Variants in WDR27 observed in about 807,000 individuals in gnomAD.
The protein encoded by WDR27 is WD repeat-containing protein 27.
In WDR27, 100 loss-of-function variants were observed where a neutral mutation model predicts 114.4. That is an observed-to-expected ratio of 0.87 (90% CI 0.74 to 1.03). The LOEUF is 1.03. Among genes scored for constraint, WDR27 ranks in the 50% least tolerant of loss-of-function variants. The probability of loss-of-function intolerance (pLI) is 0.00; values close to 1 mark genes in which losing one functional copy is unlikely to be tolerated. For synonymous variants in WDR27, 449 were observed against 423.1 expected, an observed-to-expected ratio of 1.06 and a Z score of -0.75; for missense variants, 1,129 against 1,092.9, an observed-to-expected ratio of 1.03 and a Z score of -0.47.
intron 25 of WDR27, among the ~76,000 whole-genome samples, chr6:169,497,406 C>CA (rs2115462335): frequency 6.6e-6 from 1 of 152,132 alleles, no homozygotes; most frequent in East Asian, 1.9e-4. Context: ...AAAAAATAGG[C>CA]AAGTTGGACT....
intron 7 of WDR27, chr6:169,665,021 C>G (rs12528943): frequency 1.4e-3 from 1 of 706 alleles, no homozygotes. Context: ...CTCTCCGGGG[C>G]GCGGGCAGCG....
At chr6:169,627,367 T>C (rs1206811461) in intron 21 of WDR27, among the ~76,000 whole-genome samples, 1 of 152,178 alleles carries the variant, frequency 6.6e-6, no homozygotes, top group East Asian at 1.9e-4. Context: ...AAAAAATCTA[T>C]GATGATGCTT....
chr6:169,626,640 G>A (rs185947292), intron 21 of WDR27, among the ~76,000 whole-genome samples: 328 of 152,294 alleles, frequency 2.2e-3, no homozygotes, highest in African/African-American at 7.4e-3. Context: ...ATGACATCAC[G>A]CCGCTTTCCA....
chr6:169,604,995 T>C (rs2128174048), intron 22 of WDR27, among the ~76,000 whole-genome samples: 1 of 148,750 alleles, frequency 6.7e-6, no homozygotes, highest in East Asian at 2.1e-4. Flanking sequence ...AAGGTCATAC[T>C]GAATGGGGGA....
At chr6:169,588,507 G>GA (rs1164937600) in intron 23 of WDR27, among the ~76,000 whole-genome samples, 7 of 151,878 alleles carry the variant, frequency 4.6e-5, no homozygotes, top group African/African-American at 1.7e-4. Context: ...TATATTTGTT[G>GA]AAAAAAAATC....
chr6:169,582,985 A>G, intron 23 of WDR27, 51 bp from the exon 24 acceptor site: 2 of 1,545,298 alleles, frequency 1.3e-6, no homozygotes, highest in Non-Finnish European at 1.8e-6. Context: ...GTCAGGAATC[A>G]CCTGTAAGCT....
chr6:169,669,913 A>G lies in WDR27; in HGVS notation c.456+656T>C, dbSNP rs556185697. ...CGAACATCCTTCCTCGCCTACGTTT[A>G]TTAAGTGGCTATCAAAAGAAAAGCT... On this transcript the variant is annotated intron_variant, in intron 4 of 25. Transcript: ENST00000448612. 2.0e-5 allele frequency: 3 copies of G among 152,202 alleles called. No individual in the cohort carries two copies. The South Asian group carries it at 6.2e-4, about 32-fold the overall frequency. The allele number at this position is 152,202 out of a possible 1,614,324, so 9.4% of individuals were successfully genotyped here. A position where few individuals can be genotyped will look rare whatever the true frequency, so the allele number is the denominator to read the frequency against.
chr6:169,560,621 T>A (rs941540942), intron 25 of WDR27, among the ~76,000 whole-genome samples: 1 of 152,224 alleles, frequency 6.6e-6, no homozygotes, highest in Non-Finnish European at 1.5e-5. Context: ...GGCCCTCTTG[T>A]TGATGGGACA....
At chr6:169,592,518 G>A (rs1208452005) in intron 23 of WDR27, among the ~76,000 whole-genome samples, 4 of 152,016 alleles carry the variant, frequency 2.6e-5, no homozygotes, top group Admixed American at 1.3e-4. Flanking sequence ...AAAGACCATT[G>A]AATTCCATAT....
intron 21 of WDR27, among the ~76,000 whole-genome samples, chr6:169,632,405 G>T (rs2128216561): frequency 6.6e-6 from 1 of 152,252 alleles, no homozygotes; most frequent in African/African-American, 2.4e-5. Context: ...ATACAGTTTT[G>T]TTCCCAAGAC....
chr6:169,546,973 A>C (rs1049885768), intron 25 of WDR27, among the ~76,000 whole-genome samples: 2 of 152,168 alleles, frequency 1.3e-5, no homozygotes, highest in Non-Finnish European at 2.9e-5. Context: ...CAAATTACTA[A>C]TATGAGAAAT....
At chr6:169,504,372 G>A (rs1323267092) in intron 25 of WDR27, among the ~76,000 whole-genome samples, 1 of 152,116 alleles carries the variant, frequency 6.6e-6, no homozygotes, top group Non-Finnish European at 1.5e-5. Context: ...AATCATGGGG[G>A]CGGTTTCCTT....
chr6:169,656,864 G>A (rs1824350529), intron 13 of WDR27, among the ~76,000 whole-genome samples: 2 of 149,242 alleles, frequency 1.3e-5, no homozygotes, highest in African/African-American at 2.5e-5. Flanking sequence ...CAAGGCAGAA[G>A]TTCCATGACT....
chr6:169,562,151 C>A (rs1799759980), intron 25 of WDR27, among the ~76,000 whole-genome samples: 1 of 152,178 alleles, frequency 6.6e-6, no homozygotes. Flanking sequence ...CAAACACATA[C>A]CACATAAGGA....
chr6:169,544,996 A>C (rs920884934), intron 25 of WDR27, among the ~76,000 whole-genome samples: 1 of 152,258 alleles, frequency 6.6e-6, no homozygotes, highest in East Asian at 1.9e-4. Context: ...ATTTATCTAT[A>C]GGGTTAATGC....
intron 19 of WDR27, among the ~76,000 whole-genome samples, chr6:169,635,459 G>A (rs988790527): frequency 6.6e-6 from 1 of 152,216 alleles, no homozygotes; most frequent in Admixed American, 6.5e-5. Flanking sequence ...GGAGGGGGCC[G>A]CTGGGTCCTG....
chr6:169,532,826 T>TAA (rs879594888), intron 25 of WDR27, among the ~76,000 whole-genome samples: 4 of 138,294 alleles, frequency 2.9e-5, no homozygotes. Context: ...AACTTAAAAT[T>TAA]AAAAAAAAAA....
intron 25 of WDR27, among the ~76,000 whole-genome samples, chr6:169,515,170 A>G (rs1583905008): frequency 1.3e-5 from 2 of 152,152 alleles, no homozygotes; most frequent in East Asian, 3.9e-4. Context: ...CTGAAAATAC[A>G]CATAGCTATG....
At chr6:169,534,653 C>T (rs1440589402) in intron 25 of WDR27, among the ~76,000 whole-genome samples, 1 of 151,784 alleles carries the variant, frequency 6.6e-6, no homozygotes, top group African/African-American at 2.4e-5. Flanking sequence ...TCCATTTAAT[C>T]TAAATTATCT....
Sources: allele counts gnomAD v4.1 joint callset (sites outside exome capture counted in the v4.1 genomes callset), GRCh38; gene constraint gnomAD v4.1.1; transcripts MANE v1.5; gene names NCBI Gene and HGNC (gene_info 2026-07-23, HGNC 2026-07-21).